Variants in CLSTN2 observed in about 807,000 individuals in gnomAD.
The protein encoded by CLSTN2 is calsyntenin-2.
In CLSTN2, 48 loss-of-function variants were observed where a neutral mutation model predicts 101.2. The observed-to-expected ratio is 0.47, with a 90% CI of 0.38 to 0.60. The LOEUF is 0.60. Ranked by LOEUF, CLSTN2 falls within the 20% of genes least tolerant of loss-of-function variation. The pLI, the probability that CLSTN2 is intolerant of heterozygous loss-of-function variation, is 0.00. For synonymous variants in CLSTN2, 481 were observed against 463.6 expected, an observed-to-expected ratio of 1.04 and a Z score of -0.48; for missense variants, 1,160 against 1,238.2, an observed-to-expected ratio of 0.94 and a Z score of 0.95.
At position 140,558,807 on chromosome 3, in the gene CLSTN2, T is replaced by C; in HGVS notation, c.1991T>C (p.Ile664Thr). 4 of 1,613,966 alleles carry C rather than the reference T, an allele frequency of 2.5e-6. No individual in the cohort carries two copies. The highest frequency in any genetic ancestry group is 2.5e-6 in the Non-Finnish European group (3 of 1,179,960). Residue 664 changes from isoleucine (I) to threonine (T), a missense_variant, in exon 12 of 17, where the codon ATT (isoleucine) becomes ACT (threonine). Transcript: ENST00000458420. ...RGVTLFPDIKIVSTFAKTEAP... is the reference protein window; with the variant it reads ...RGVTLFPDIKTVSTFAKTEAP... ...GTGACCCTCTTCCCTGATATCAAGATTGTGAGCACCTTCGCCAAAACCGAA... is the reference window on the plus strand; with the variant it reads ...GTGACCCTCTTCCCTGATATCAAGACTGTGAGCACCTTCGCCAAAACCGAA...
At chr3:140,267,447 A>G (rs573803046) in intron 2 of CLSTN2, among the ~76,000 whole-genome samples, 230 of 152,302 alleles carry the variant, frequency 1.5e-3, no homozygotes, top group Non-Finnish European at 2.5e-3. Context: ...GTTTCAGGGC[A>G]AGATGAAAGT....
At chr3:140,201,254 A>G (rs1033002198) in intron 2 of CLSTN2, among the ~76,000 whole-genome samples, 1 of 152,166 alleles carries the variant, frequency 6.6e-6, no homozygotes, top group Non-Finnish European at 1.5e-5. Context: ...TGATTCTCGA[A>G]ATAGCCATTG....
chr3:140,122,173 C>T (rs540041826), intron 1 of CLSTN2, among the ~76,000 whole-genome samples: 3 of 152,316 alleles, frequency 2.0e-5, no homozygotes, highest in East Asian at 1.9e-4. Flanking sequence ...GGTTTGACTA[C>T]AATTATGGCT....
chr3:140,293,366 G>C (rs1054813060), intron 2 of CLSTN2, among the ~76,000 whole-genome samples: 5 of 152,102 alleles, frequency 3.3e-5, no homozygotes, highest in African/African-American at 9.7e-5. Context: ...TCCAGGCAAG[G>C]CTGTGAATTA....
chr3:140,287,216 C>G (rs952367211), intron 2 of CLSTN2, among the ~76,000 whole-genome samples: 2 of 152,144 alleles, frequency 1.3e-5, no homozygotes, highest in African/African-American at 2.4e-5. Context: ...CAGTAAATTA[C>G]TGATACAACA....
intron 1 of CLSTN2, among the ~76,000 whole-genome samples, chr3:140,030,455 G>A (rs139719777): frequency 2.5e-3 from 374 of 152,200 alleles, no homozygotes; most frequent in Non-Finnish European, 4.0e-3. Flanking sequence ...GTAGGGGTGG[G>A]GGTGGTTCAT....
At chr3:140,034,509 G>A (rs1050259672) in intron 1 of CLSTN2, among the ~76,000 whole-genome samples, 6 of 152,248 alleles carry the variant, frequency 3.9e-5, no homozygotes, top group African/African-American at 4.8e-5. Flanking sequence ...GGAATAATCC[G>A]CACCCTGCCA....
At chr3:140,434,244 G>C (rs888664826) in intron 5 of CLSTN2, among the ~76,000 whole-genome samples, 2 of 152,192 alleles carry the variant, frequency 1.3e-5, no homozygotes, top group African/African-American at 4.8e-5. Flanking sequence ...AGAGCCACGA[G>C]CTGGCCGAGG....
intron 5 of CLSTN2, among the ~76,000 whole-genome samples, chr3:140,427,197 A>ATGTGTGTGTGTG (rs1189019971): frequency 1.1e-5 from 1 of 92,950 alleles, no homozygotes; most frequent in African/African-American, 5.7e-5. Context: ...ATATATATAT[A>ATGTGTGTGTGTG]TATATATGTG....
At chr3:140,080,642 A>G (rs1284901747) in intron 1 of CLSTN2, among the ~76,000 whole-genome samples, 1 of 152,140 alleles carries the variant, frequency 6.6e-6, no homozygotes, top group East Asian at 1.9e-4. Context: ...CACTAGTCTA[A>G]GGTGCTGCTT....
At chr3:140,546,430 CT>C in intron 9 of CLSTN2, 84 bp from the exon 10 acceptor site, 1 of 1,433,732 alleles carries the variant, frequency 7.0e-7, no homozygotes, top group Admixed American at 1.9e-5. Context: ...ATCAAGGCGT[CT>C]TTGGCTGCAT....
intron 2 of CLSTN2, among the ~76,000 whole-genome samples, chr3:140,309,236 G>A (rs2087141816): frequency 6.6e-6 from 1 of 152,142 alleles, no homozygotes; most frequent in Non-Finnish European, 1.5e-5. Flanking sequence ...GGCCTACCTG[G>A]CATCCGAGGG....
chr3:140,388,122 AT>A (rs1209643284), intron 2 of CLSTN2, among the ~76,000 whole-genome samples: 1 of 152,274 alleles, frequency 6.6e-6, no homozygotes, highest in Non-Finnish European at 1.5e-5. Context: ...AGATACAACC[AT>A]AAGAAACCCA....
intron 2 of CLSTN2, among the ~76,000 whole-genome samples, chr3:140,314,639 C>A (rs971342740): frequency 6.6e-6 from 1 of 151,998 alleles, no homozygotes; most frequent in African/African-American, 2.4e-5. Flanking sequence ...AAAATAGGGG[C>A]TTTTGCATAC....
intron 2 of CLSTN2, among the ~76,000 whole-genome samples, chr3:140,198,597 C>T (rs2010678301): frequency 6.6e-6 from 1 of 152,132 alleles, no homozygotes; most frequent in African/African-American, 2.4e-5. Context: ...GGAAAGATAA[C>T]AGCAGGTAGT....
intron 5 of CLSTN2, among the ~76,000 whole-genome samples, chr3:140,423,362 G>A (rs992051338): frequency 2.6e-5 from 4 of 152,118 alleles, no homozygotes; most frequent in Non-Finnish European, 5.9e-5. Context: ...GCACACTCCA[G>A]TGCCCAGCAC....
At chr3:140,328,278 C>A (rs1479946516) in intron 2 of CLSTN2, among the ~76,000 whole-genome samples, 2 of 152,158 alleles carry the variant, frequency 1.3e-5, no homozygotes, top group African/African-American at 4.8e-5. Flanking sequence ...GGACCACACA[C>A]CACGATAATC....
chr3:140,497,631 C>T (rs1934495241), intron 8 of CLSTN2, among the ~76,000 whole-genome samples: 1 of 152,190 alleles, frequency 6.6e-6, no homozygotes, highest in Non-Finnish European at 1.5e-5. Flanking sequence ...AAGTGGGGTC[C>T]ACAGAACGAC....
At chr3:140,122,611 C>T (rs939503365) in intron 1 of CLSTN2, among the ~76,000 whole-genome samples, 4 of 152,120 alleles carry the variant, frequency 2.6e-5, no homozygotes, top group African/African-American at 9.7e-5. Context: ...ATATTAATGG[C>T]ACAGGGAGGG....
Sources: gnomAD v4.1 joint callset for allele counts (sites outside exome capture counted in the v4.1 genomes callset) on GRCh38, gnomAD v4.1.1 for gene constraint, MANE v1.5 for transcripts, NCBI Gene and HGNC (gene_info 2026-07-23, HGNC 2026-07-21) for gene names.